RIC1: variants seen among roughly 807,000 people sequenced by gnomAD.
RIC1 encodes RIC1 partner of RAB6A GEF complex.
In RIC1, 88 loss-of-function variants were observed where a neutral mutation model predicts 169.0. The ratio of observed to expected loss-of-function variants is 0.52; its 90% CI spans 0.44 to 0.62. RIC1 has a LOEUF of 0.62. Ranked by LOEUF, RIC1 falls within the 20% of genes least tolerant of loss-of-function variation. RIC1 has a pLI of 0.00. For synonymous variants in RIC1, 790 were observed against 601.5 expected (o/e 1.31, Z -4.59); for missense variants, 1,877 against 1,725.5 (o/e 1.09, Z -1.56).
At chr9:5,766,851 A>G (rs1826800562) in intron 21 of RIC1, among the ~76,000 whole-genome samples, 1 of 152,204 alleles carries the variant, frequency 6.6e-6, no homozygotes, top group African/African-American at 2.4e-5. Flanking sequence ...TCCTCTGGGT[A>G]GAACCCCAGT....
chr9:5,703,296 G>A (rs1457650559), intron 3 of RIC1, among the ~76,000 whole-genome samples: 2 of 152,208 alleles, frequency 1.3e-5, no homozygotes, highest in African/African-American at 4.8e-5. Flanking sequence ...GCCCCGTGCA[G>A]ATCTGAAACA....
intron 1 of RIC1, among the ~76,000 whole-genome samples, chr9:5,636,920 C>G (rs1009271126): frequency 1.3e-5 from 2 of 151,968 alleles, no homozygotes; most frequent in African/African-American, 4.8e-5. Context: ...GTGCCTTGTA[C>G]AAGGAAGATG....
chr9:5,691,733 T>C (rs1042824492), intron 3 of RIC1, among the ~76,000 whole-genome samples: 1 of 152,116 alleles, frequency 6.6e-6, no homozygotes, highest in East Asian at 1.9e-4. Context: ...GTTTGTTTTA[T>C]TGCTTAATTT....
intron 2 of RIC1, among the ~76,000 whole-genome samples, chr9:5,678,374 G>T (rs1330910170): frequency 6.6e-6 from 1 of 151,860 alleles, no homozygotes; most frequent in Non-Finnish European, 1.5e-5. Flanking sequence ...GTAATGGGAT[G>T]GCTGGGTCAA....
At chr9:5,669,565 T>C (rs1012106484) in intron 2 of RIC1, among the ~76,000 whole-genome samples, 9 of 152,258 alleles carry the variant, frequency 5.9e-5, no homozygotes, top group African/African-American at 2.2e-4. Flanking sequence ...ATCTTGCCCA[T>C]ATGACATCAA....
intron 16 of RIC1, among the ~76,000 whole-genome samples, chr9:5,757,040 TC>T (rs1388310574): frequency 6.6e-6 from 1 of 152,194 alleles, no homozygotes; most frequent in African/African-American, 2.4e-5. Flanking sequence ...ACTAGTTTTT[TC>T]CACTTAAATA....
chr9:5,648,539 T>C (rs988896053), intron 1 of RIC1, among the ~76,000 whole-genome samples: 1 of 152,208 alleles, frequency 6.6e-6, no homozygotes, highest in African/African-American at 2.4e-5. Flanking sequence ...GATAAATACC[T>C]AACAGTGGGA....
intron 2 of RIC1, among the ~76,000 whole-genome samples, chr9:5,687,345 C>G (rs2130691911): frequency 6.6e-6 from 1 of 152,234 alleles, no homozygotes; most frequent in South Asian, 2.1e-4. Context: ...ACTCTGATCT[C>G]TGTTATTTGC....
At chr9:5,747,097 T>G (rs556421907) in intron 11 of RIC1, among the ~76,000 whole-genome samples, 3 of 152,356 alleles carry the variant, frequency 2.0e-5, no homozygotes, top group African/African-American at 7.2e-5. Flanking sequence ...AATCTCATAG[T>G]CACTAAGAGC....
rs558491169 is a variant in RIC1, at chr9:5,756,722, C to T, written c.1853+350C>T. On this transcript the variant is annotated intron_variant, in intron 16 of 25. Coordinates refer to ENST00000414202, the MANE Select transcript of RIC1 (RefSeq NM_020829.4). ...TTGGTGGGAATTTGAAGGAGTTCTA[C>T]AACTTTAAGACTGTAGGAAGCATGT... is the stretch of plus-strand genomic sequence containing the variant. Among the ~76,000 whole-genome samples, 8 of 152,214 alleles carry T rather than the reference C, an allele frequency of 5.3e-5. No individual in the cohort carries two copies. The South Asian group carries it at 1.7e-3, about 32-fold the overall frequency.
At position 5,683,604 on chromosome 9, in the gene RIC1, TGAG is replaced by T. The variant is rs1288716613; in HGVS notation, c.253-6350_253-6348del. 8.5e-5 allele frequency among the ~76,000 whole-genome samples: 13 copies of T among 152,264 alleles called. No homozygotes were observed. In the East Asian group the frequency reaches 1.2e-3, roughly 14 times the overall value. On this transcript the variant is annotated intron_variant, in intron 2 of 25. Transcript: ENST00000414202. ...GCTACTCAGGGGTCAGGGACCCACT[TGAG>T]GAGGCAGTCTGCCGGTTCTCAGATC... is the stretch of plus-strand genomic sequence containing the variant.
At chr9:5,731,692 C>T (rs1824378395) in intron 6 of RIC1, among the ~76,000 whole-genome samples, 1 of 152,216 alleles carries the variant, frequency 6.6e-6, no homozygotes, top group South Asian at 2.1e-4. Flanking sequence ...TATATGCTTA[C>T]TAATAATGTC....
chr9:5,685,239 C>G (rs569641346), intron 2 of RIC1, among the ~76,000 whole-genome samples: 1 of 149,630 alleles, frequency 6.7e-6, no homozygotes, highest in South Asian at 2.1e-4. Flanking sequence ...CCCCATCAAG[C>G]TACCAATGAG....
chr9:5,757,045 T>C (rs1202781178), intron 16 of RIC1, among the ~76,000 whole-genome samples: 1 of 152,190 alleles, frequency 6.6e-6, no homozygotes, highest in Non-Finnish European at 1.5e-5. Flanking sequence ...TTTTTTCCAC[T>C]TAAATATTTG....
At chr9:5,680,021 A>T (rs548197990) in intron 2 of RIC1, among the ~76,000 whole-genome samples, 1 of 152,294 alleles carries the variant, frequency 6.6e-6, no homozygotes, top group Non-Finnish European at 1.5e-5. Flanking sequence ...TCCCATCAAT[A>T]CCTAATTTAT....
intron 3 of RIC1, among the ~76,000 whole-genome samples, chr9:5,701,170 G>C (rs1822194482): frequency 6.6e-6 from 1 of 152,198 alleles, no homozygotes; most frequent in Non-Finnish European, 1.5e-5. Context: ...TCTTCTGTTT[G>C]AGACCTATAG....
chr9:5,738,977 A>G (rs954877094), intron 8 of RIC1, among the ~76,000 whole-genome samples: 2 of 152,006 alleles, frequency 1.3e-5, no homozygotes, highest in Non-Finnish European at 2.9e-5. Flanking sequence ...AGTTATTCCC[A>G]TTTTGTATTT....
At chr9:5,661,872 A>G (rs1819471352) in intron 2 of RIC1, among the ~76,000 whole-genome samples, 1 of 152,266 alleles carries the variant, frequency 6.6e-6, no homozygotes, top group South Asian at 2.1e-4. Flanking sequence ...ACTATGTTGA[A>G]TAGGACTGGT....
intron 12 of RIC1, 89 bp from the exon 13 acceptor site, chr9:5,753,111 C>A: frequency 8.4e-7 from 1 of 1,191,060 alleles, no homozygotes; most frequent in Non-Finnish European, 1.3e-6. Flanking sequence ...CATTGTTCGG[C>A]AAGATGAATC....
Sources: allele counts gnomAD v4.1 joint callset (sites outside exome capture counted in the v4.1 genomes callset), GRCh38; gene constraint gnomAD v4.1.1; transcripts MANE v1.5; gene names NCBI Gene and HGNC (gene_info 2026-07-23, HGNC 2026-07-21).